The following CPO variants were observed in gnomAD, a reference collection of about 807,000 sequenced individuals.
CPO encodes carboxypeptidase O, also known as metallocarboxypeptidase C.
Under a neutral mutation model 41.2 loss-of-function variants are expected in CPO, and 43 were observed. The observed-to-expected ratio is 1.04, with a 90% confidence interval of 0.82 to 1.35. CPO has a LOEUF of 1.35. CPO is among the 40% of genes most tolerant of loss of function. The pLI is 0.00. For synonymous variants in CPO, 178 were observed against 162.7 expected, an observed-to-expected ratio of 1.09 and a Z score of -0.72; for missense variants, 408 against 451.7, an observed-to-expected ratio of 0.90 and a Z score of 0.88.
intron 6 of CPO, 66 bp from the exon 7 acceptor site, chr2:206,962,345 TC>T (rs1693495633): frequency 2.8e-6 from 4 of 1,415,724 alleles, no homozygotes; most frequent in Non-Finnish European, 4.0e-6. Flanking sequence ...TATGGATGAC[TC>T]CTTGCCATTG....
intron 1 of CPO, among the ~76,000 whole-genome samples, chr2:206,944,500 A>T (rs929698058): frequency 2.0e-5 from 3 of 152,004 alleles, no homozygotes; most frequent in Non-Finnish European, 4.4e-5. Context: ...CATGAAGATG[A>T]TTGTTTCTCA....
chr2:206,950,759 G>T (rs1408033098), intron 2 of CPO, among the ~76,000 whole-genome samples: 1 of 152,170 alleles, frequency 6.6e-6, no homozygotes, highest in East Asian at 1.9e-4. Context: ...AAAAGGATGA[G>T]TTCATGTCCT....
At chr2:206,947,790 A>G (rs1456291286) in intron 1 of CPO, among the ~76,000 whole-genome samples, 2 of 152,244 alleles carry the variant, frequency 1.3e-5, no homozygotes, top group African/African-American at 2.4e-5. Flanking sequence ...GCGAGAAAAC[A>G]TAAAAAAGAT....
intron 1 of CPO, among the ~76,000 whole-genome samples, chr2:206,948,077 A>G (rs1013109055): frequency 2.6e-5 from 4 of 152,210 alleles, no homozygotes; most frequent in African/African-American, 9.6e-5. Context: ...ACTCTTTAGT[A>G]TTTATCCAAA....
intron 2 of CPO, among the ~76,000 whole-genome samples, chr2:206,954,640 T>C (rs1308088946): frequency 6.6e-6 from 1 of 152,208 alleles, no homozygotes; most frequent in Admixed American, 6.6e-5. Flanking sequence ...GGTATCCTTA[T>C]AGAAGCACCG....
chr2:206,967,360 GAT>G (rs1306787306), intron 7 of CPO, among the ~76,000 whole-genome samples: 1 of 112,348 alleles, frequency 8.9e-6, no homozygotes, highest in African/African-American at 2.9e-5. Context: ...TAGATATATA[GAT>G]ATAGATATAG....
intron 2 of CPO, among the ~76,000 whole-genome samples, chr2:206,952,294 T>C (rs10202519): frequency 0.43 from 65,016 of 151,638 alleles, 14,252 homozygotes; most frequent in Non-Finnish European, 0.48. Flanking sequence ...TTTGTATTTT[T>C]AGTACAGACA....
intron 3 of CPO, among the ~76,000 whole-genome samples, chr2:206,956,547 C>CA: frequency 6.6e-6 from 1 of 152,280 alleles, no homozygotes; most frequent in East Asian, 1.9e-4. Context: ...AGGCTTCTTC[C>CA]AGGTGATTCT....
intron 7 of CPO, among the ~76,000 whole-genome samples, chr2:206,963,570 T>C (rs546882606): frequency 6.6e-6 from 1 of 152,340 alleles, no homozygotes; most frequent in South Asian, 2.1e-4. Flanking sequence ...CCACTCTACA[T>C]ACCTCATATA....
intron 1 of CPO, among the ~76,000 whole-genome samples, chr2:206,944,730 A>G (rs904855888): frequency 1.3e-5 from 2 of 152,010 alleles, no homozygotes. Context: ...AATATTACTA[A>G]CAATTAATAA....
chr2:206,959,591 T>C, intron 4 of CPO, 40 bp from the exon 5 acceptor site: 1 of 923,336 alleles, frequency 1.1e-6, no homozygotes, highest in Non-Finnish European at 1.8e-6. Context: ...AGAGAAAAGA[T>C]CTCAAAATAA....
At position 206,958,286 on chromosome 2, in the gene CPO, G is replaced by T. The variant is rs1353466381; in HGVS notation, c.268-15G>T. 1.0e-5 allele frequency: 15 copies of T among 1,435,896 alleles called. No individual in the cohort carries two copies. Among genetic ancestry groups the T allele is most frequent in the Non-Finnish European group, 1.5e-5 (15 of 1,033,632 alleles). 88.9% of individuals were successfully genotyped at this position (1,435,896 alleles called of 1,614,324 possible). On this transcript the variant is annotated splice_polypyrimidine_tract_variant and intron_variant, in intron 3 of 8. Transcript: ENST00000272852. ...CAGCAATTGTTTAGTAATGGGGCAT[G>T]GATATCTTCTCCAGATCAGCCAACC...
Position 206,969,264 on chromosome 2 carries a change from G to A in CPO, c.953G>A (p.Gly318Glu). Residue 318 changes from glycine (G) to glutamate (E), a missense_variant, in exon 9 of 9, where the codon GGG becomes GAG. Transcript: ENST00000272852. ...TFELRDSGTY[G>E]FVLPEAQIQP... ...GAGCTGAGGGACAGTGGAACATATG[G>A]GTTTGTTCTGCCAGAAGCTCAGATC... is the stretch of plus-strand genomic sequence containing the variant. 6.2e-7 allele frequency: 1 copy of A among 1,614,122 alleles called. No homozygotes were observed. The highest frequency in any genetic ancestry group is 8.5e-7 in the Non-Finnish European group (1 of 1,180,014).
In CPO at chr2:206,939,618, A is replaced by G; in HGVS notation, c.19A>G (p.Thr7Ala). ...TGGCAGAATGAAGCCTCTGCTTGAA[A>G]CCCTTTATCTTTTGGGGATGCTGGT... MKPLLE[T>A]LYLLGMLVPG... is the part of the protein sequence containing the mutation. The change falls in exon 1 of 9, where the codon ACC becomes GCC. Residue 7 changes from threonine to alanine, a missense_variant. Thr to Ala is a moderately conservative substitution (Grantham distance 58). Transcript: ENST00000272852. 1.2e-6 allele frequency: 2 copies of G among 1,610,756 alleles called. No homozygotes were observed. Among genetic ancestry groups the G allele is most frequent in the Non-Finnish European group, 1.7e-6 (2 of 1,177,826 alleles).
In CPO at chr2:206,949,668, G is replaced by A. The variant is rs750503143; in HGVS notation, c.120G>A (p.Trp40Ter). ...TTGTGGACAAGTCAGTGAGTCCATG[G>A]AGCCTGGAGACGTATTCCTATAACA... ...QEIVDKSVSP[W>*]SLETYSYNIY... The change falls in exon 2 of 9, where the codon TGG (tryptophan) becomes TGA (stop). Residue 40 changes from tryptophan (W) to a stop codon, truncating the protein, a stop_gained. Coordinates refer to ENST00000272852, the MANE Select transcript of CPO (RefSeq NM_173077.3). LOFTEE classifies it high-confidence loss of function. 22 of 1,613,486 alleles carry A rather than the reference G, an allele frequency of 1.4e-5. No homozygotes were observed. The South Asian group carries it at 2.3e-4, about 17-fold the overall frequency.
intron 3 of CPO, among the ~76,000 whole-genome samples, chr2:206,956,269 G>A (rs150001342): frequency 1.3e-5 from 2 of 152,226 alleles, no homozygotes; most frequent in Non-Finnish European, 2.9e-5. Flanking sequence ...CACCTAATTT[G>A]GTTAGAGATT....
intron 3 of CPO, 24 bp from the exon 4 acceptor site, chr2:206,958,277 A>G (rs747310209): frequency 2.3e-6 from 3 of 1,279,640 alleles, no homozygotes; most frequent in Non-Finnish European, 2.2e-6. Context: ...TTGTTTAGTA[A>G]TGGGGCATGG....
chr2:206,961,487 T>C (rs1474922913), intron 6 of CPO, among the ~76,000 whole-genome samples: 1 of 152,132 alleles, frequency 6.6e-6, no homozygotes, highest in African/African-American at 2.4e-5. Flanking sequence ...TCTGCTTTAG[T>C]TTTCTTTTAC....
chr2:206,952,038 A>G (rs1053092117), intron 2 of CPO, among the ~76,000 whole-genome samples: 4 of 152,212 alleles, frequency 2.6e-5, no homozygotes, highest in Admixed American at 6.5e-5. Context: ...AATACATTTT[A>G]TCTATACCTA....
Sources: allele counts gnomAD v4.1 joint callset (sites outside exome capture counted in the v4.1 genomes callset), GRCh38; gene constraint gnomAD v4.1.1; transcripts MANE v1.5; gene names NCBI Gene and HGNC (gene_info 2026-07-23, HGNC 2026-07-21).